The following GSG1L variants were observed in gnomAD, a reference collection of about 807,000 sequenced individuals.
The protein encoded by GSG1L is germ cell-specific gene 1-like protein.
Under a neutral mutation model 42.1 loss-of-function variants are expected in GSG1L, and 24 were observed. The observed-to-expected ratio is 0.57, with a 90% CI of 0.41 to 0.80. GSG1L has a LOEUF of 0.80. Ranked by LOEUF, GSG1L falls within the 30% of genes least tolerant of loss-of-function variation. GSG1L has a pLI of 0.00. For synonymous variants in GSG1L, 215 were observed against 203.5 expected, an observed-to-expected ratio of 1.06 and a Z score of -0.48; for missense variants, 445 against 472.2, an observed-to-expected ratio of 0.94 and a Z score of 0.53.
At chr16:27,792,493 T>G (rs1471411909) in intron 6 of GSG1L, among the ~76,000 whole-genome samples, 1 of 152,184 alleles carries the variant, frequency 6.6e-6, no homozygotes, top group African/African-American at 2.4e-5. Context: ...TTCAAAGTCT[T>G]TCTAGCGCAC....
Position 27,895,948 on chromosome 16 carries a change from T to A in GSG1L, c.398-11310A>T, listed in dbSNP as rs569679379. The stretch of plus-strand genomic sequence containing the variant: ...GAGATGACTGTTTTCTGCATAACCA[T>A]CTTGTCTAGAGTCTCAATCCTCAAA... On this transcript the variant is annotated intron_variant, in intron 2 of 6. Transcript: ENST00000447459. Among the ~76,000 whole-genome samples the A allele has an allele frequency of 1.3e-5, 2 of 152,222 alleles. 1 individual carries two copies. The highest frequency in any genetic ancestry group is 4.1e-4 in the South Asian group (2 of 4,820).
At chr16:27,803,155 C>T (rs2082902452) in intron 6 of GSG1L, among the ~76,000 whole-genome samples, 1 of 152,050 alleles carries the variant, frequency 6.6e-6, no homozygotes, top group Non-Finnish European at 1.5e-5. Flanking sequence ...TCCCTCCTCT[C>T]CCCCGGTCCT....
At chr16:27,928,591 C>A (rs1280320207) in intron 2 of GSG1L, among the ~76,000 whole-genome samples, 1 of 152,178 alleles carries the variant, frequency 6.6e-6, no homozygotes, top group Non-Finnish European at 1.5e-5. Context: ...GTCTGGACAC[C>A]AGGGAGAGGC....
intron 2 of GSG1L, among the ~76,000 whole-genome samples, chr16:27,941,272 C>G (rs2084790913): frequency 1.3e-5 from 2 of 151,826 alleles, no homozygotes; most frequent in African/African-American, 4.8e-5. Context: ...TGTTAATATC[C>G]AGAATATATA....
chr16:27,951,215 G>A (rs2084947744), intron 2 of GSG1L, among the ~76,000 whole-genome samples: 1 of 152,160 alleles, frequency 6.6e-6, no homozygotes, highest in Admixed American at 6.5e-5. Context: ...CAATGGCCAG[G>A]CATCATAGGA....
intron 3 of GSG1L, among the ~76,000 whole-genome samples, chr16:27,866,007 A>G (rs2083719297): frequency 6.6e-6 from 1 of 150,484 alleles, no homozygotes; most frequent in Non-Finnish European, 1.5e-5. Context: ...GGCCAAATAC[A>G]CTCTTAGTTT....
Position 27,884,778 on chromosome 16 carries a change from G to T in GSG1L, c.398-140C>A. ...GGTTCTGGGGGAGGTCCTGATGGAAGCCTGTCATGGCCGTCCCATCCTTGT... is the reference window on the plus strand; with the variant it reads ...GGTTCTGGGGGAGGTCCTGATGGAATCCTGTCATGGCCGTCCCATCCTTGT... On this transcript the variant is annotated intron_variant, in intron 2 of 6. Coordinates refer to ENST00000447459, the MANE Select transcript of GSG1L (RefSeq NM_001109763.2). The surrounding 1 kb of genome is among the most constrained non-coding windows in gnomAD (Gnocchi z 4.4). 1 of 781,986 alleles carries T rather than the reference G, an allele frequency of 1.3e-6. No homozygotes were observed. Among genetic ancestry groups the T allele is most frequent in the Non-Finnish European group, 2.0e-6 (1 of 511,726 alleles). The allele number at this position is 781,986 out of a possible 1,614,324, so 48.4% of individuals were successfully genotyped here. A position where few individuals can be genotyped will look rare whatever the true frequency, so the allele number is the denominator to read the frequency against.
At chr16:27,936,865 C>T (rs1596626926) in intron 2 of GSG1L, among the ~76,000 whole-genome samples, 1 of 152,336 alleles carries the variant, frequency 6.6e-6, no homozygotes, top group Middle Eastern at 3.4e-3. Context: ...CACTACCCTC[C>T]AGCTCATTTA....
chr16:27,806,465 T>G (rs2144433323), intron 6 of GSG1L, among the ~76,000 whole-genome samples: 1 of 152,272 alleles, frequency 6.6e-6, no homozygotes, highest in Non-Finnish European at 1.5e-5. Flanking sequence ...CATGATATAT[T>G]TACAAGGTAC....
intron 1 of GSG1L, among the ~76,000 whole-genome samples, chr16:28,010,700 C>A (rs1156964546): frequency 6.6e-6 from 1 of 152,082 alleles, no homozygotes; most frequent in African/African-American, 2.4e-5. Flanking sequence ...GATGGAGTCT[C>A]CGTGATGGAA....
At chr16:27,856,672 G>A (rs2083582271) in intron 3 of GSG1L, among the ~76,000 whole-genome samples, 1 of 152,228 alleles carries the variant, frequency 6.6e-6, no homozygotes, top group South Asian at 2.1e-4. Context: ...TTTATTGCAA[G>A]TGATACTGGC....
chr16:27,791,504 CT>C, intron 6 of GSG1L, 37 bp from the exon 7 acceptor site: 1 of 1,379,634 alleles, frequency 7.2e-7, no homozygotes, highest in Non-Finnish European at 9.6e-7. Flanking sequence ...TGAAAGCCAC[CT>C]TCCTCCACCC....
At chr16:27,988,779 G>T (rs1337580811) in intron 1 of GSG1L, among the ~76,000 whole-genome samples, 1 of 151,396 alleles carries the variant, frequency 6.6e-6, no homozygotes, top group Non-Finnish European at 1.5e-5. Flanking sequence ...AGAGGGCTGG[G>T]CCTGGTGGCT....
chr16:28,059,312 G>A lies in GSG1L; in HGVS notation c.349+3764C>T, dbSNP rs1380699098. Among the ~76,000 whole-genome samples, 1 of 152,094 alleles carries A rather than the reference G, an allele frequency of 6.6e-6. No homozygotes were observed. Among genetic ancestry groups the A allele is most frequent in the African/African-American group, 2.4e-5 (1 of 41,402 alleles). On this transcript the variant is annotated intron_variant, in intron 1 of 6. Transcript: ENST00000447459. This position sits in a 1 kb window ranked among gnomAD's most constrained non-coding sequence, Gnocchi z 4.4. The stretch of plus-strand genomic sequence containing the variant: ...TACCCCAACGTCTCTGGGACTGTGG[G>A]AGGGGCCACCGCGGTGTGGGGTGTG...
At chr16:28,000,240 G>A (rs982293995) in intron 1 of GSG1L, among the ~76,000 whole-genome samples, 12 of 152,190 alleles carry the variant, frequency 7.9e-5, no homozygotes, top group Admixed American at 5.9e-4. Context: ...GGCCAAGGTG[G>A]GAGGATCGCT....
At chr16:27,843,311 G>C (rs1455345823) in intron 4 of GSG1L, among the ~76,000 whole-genome samples, 6 of 152,030 alleles carry the variant, frequency 3.9e-5, no homozygotes, top group African/African-American at 1.4e-4. Flanking sequence ...ATGTGGCTCA[G>C]GTCATTCCAG....
At chr16:28,010,055 G>C (rs2085696302) in intron 1 of GSG1L, among the ~76,000 whole-genome samples, 1 of 152,170 alleles carries the variant, frequency 6.6e-6, no homozygotes, top group Admixed American at 6.5e-5. Context: ...AACAGGAAAG[G>C]CTTCAGGGGA....
In GSG1L at chr16:27,790,560, G is replaced by T. The variant is rs1426611593; in HGVS notation, c.*810C>A. 1 of 152,270 alleles carries T rather than the reference G, an allele frequency of 6.6e-6. No individual in the cohort carries two copies. The highest frequency in any genetic ancestry group is 2.4e-5 in the African/African-American group (1 of 41,448). 9.4% of individuals were successfully genotyped at this position (152,270 alleles called of 1,614,324 possible). On this transcript the variant is annotated 3_prime_UTR_variant, in exon 7 of 7. Coordinates refer to ENST00000447459, the MANE Select transcript of GSG1L (RefSeq NM_001109763.2). ...AGGCACAGGGTAAAGCCTCCTCAGG[G>T]TCAGGGTGGTGTGATGTTGCTGAGC...
At chr16:27,794,830 G>A (rs904441224) in intron 6 of GSG1L, among the ~76,000 whole-genome samples, 6 of 152,100 alleles carry the variant, frequency 3.9e-5, no homozygotes, top group Non-Finnish European at 7.4e-5. Flanking sequence ...TGCATAGGCT[G>A]ATCCCCTAGG....
Sources: allele counts gnomAD v4.1 joint callset (sites outside exome capture counted in the v4.1 genomes callset), GRCh38; gene constraint gnomAD v4.1.1; non-coding constraint Gnocchi (gnomAD v3.1); transcripts MANE v1.5; gene names NCBI Gene and HGNC (gene_info 2026-07-23, HGNC 2026-07-21).